Variants in ANKRD36C observed in about 807,000 individuals in gnomAD.
The protein encoded by ANKRD36C is ankyrin repeat domain-containing protein 36C.
A neutral mutation model predicts 276.4 loss-of-function variants in ANKRD36C; 61 were observed. The ratio of observed to expected loss-of-function variants is 0.22; its 90% CI spans 0.18 to 0.27. The LOEUF (loss-of-function observed/expected upper bound fraction) is 0.27, where lower values mean the gene tolerates loss of function less well. Ranked by LOEUF, ANKRD36C falls within the 10% of genes least tolerant of loss-of-function variation. ANKRD36C has a pLI of 1.00. For missense variants in ANKRD36C, 1,447 were observed against 2,032.3 expected (o/e 0.71, Z 5.54); for synonymous variants, 483 against 680.1 (o/e 0.71, Z 4.51).
intron 3 of ANKRD36C, among the ~76,000 whole-genome samples, chr2:95,985,646 C>T (rs1450712268): frequency 6.6e-6 from 1 of 152,132 alleles, no homozygotes; most frequent in East Asian, 1.9e-4. Context: ...CAGGTTACTG[C>T]CATGCACAAT....
In ANKRD36C at chr2:95,857,254, T is replaced by C. The variant is rs527436346; in HGVS notation, c.4080+55A>G. The C allele has an allele frequency of 1.4e-5, 22 of 1,567,844 alleles. No homozygotes were observed. The Admixed American group carries it at 2.3e-4, about 16-fold the overall frequency. ...AATGTACATTAAACAAAAGAGATGG[T>C]ATAAGTAATATTAATAAGAGTAGAA... On this transcript the variant is annotated intron_variant, in intron 62 of 66. Coordinates refer to ENST00000456556, the Ensembl canonical transcript of ANKRD36C.
chr2:95,862,568 A>G (rs1675609600), intron 60 of ANKRD36C, among the ~76,000 whole-genome samples: 1 of 151,378 alleles, frequency 6.6e-6, no homozygotes, highest in South Asian at 2.1e-4. Context: ...CTGAATGTCT[A>G]CATTAGAAGA....
chr2:95,916,526 A>T (rs995434992), intron 36 of ANKRD36C, among the ~76,000 whole-genome samples: 21 of 151,712 alleles, frequency 1.4e-4, no homozygotes, highest in African/African-American at 4.8e-4. Context: ...AACAGGTGCT[A>T]CGTGATCCCA....
At chr2:95,914,904 T>C (rs764883445) in intron 38 of ANKRD36C, among the ~76,000 whole-genome samples, 7 of 151,508 alleles carry the variant, frequency 4.6e-5, no homozygotes, top group Non-Finnish European at 8.9e-5. Context: ...TGTAATACTT[T>C]GCTTAAGTTT....
At chr2:95,974,712 T>C (rs1300642864) in intron 6 of ANKRD36C, among the ~76,000 whole-genome samples, 5 of 152,188 alleles carry the variant, frequency 3.3e-5, no homozygotes, top group Admixed American at 2.0e-4. Flanking sequence ...TGAAGGTTTG[T>C]TACATATGTA....
At chr2:95,896,587 T>A (rs1213789609) in intron 44 of ANKRD36C, among the ~76,000 whole-genome samples, 1 of 147,884 alleles carries the variant, frequency 6.8e-6, no homozygotes, top group Non-Finnish European at 1.5e-5. Flanking sequence ...AAAACATGTA[T>A]CTCTGATGCC....
At chr2:95,875,954 C>A in intron 59 of ANKRD36C, 1 of 439,820 alleles carries the variant, frequency 2.3e-6, no homozygotes, top group Non-Finnish European at 4.6e-6. Context: ...GACCTATTCT[C>A]TCCCTGAACA....
In ANKRD36C at chr2:95,896,515, T is replaced by C. The variant is rs921871471; in HGVS notation, c.2755+2630A>G. ...GCTATTTTATCCAAGAGGTAGCTCCTTGAACAAGGAAGCAAATTTATTCAT... is the reference window on the plus strand; with the variant it reads ...GCTATTTTATCCAAGAGGTAGCTCCCTGAACAAGGAAGCAAATTTATTCAT... On this transcript the variant is annotated intron_variant, in intron 44 of 66. Coordinates refer to ENST00000456556, the Ensembl canonical transcript of ANKRD36C. Among the ~76,000 whole-genome samples, 6 of 149,982 alleles carry C rather than the reference T, an allele frequency of 4.0e-5. No homozygotes were observed. In the South Asian group the frequency reaches 6.3e-4, roughly 16 times the overall value.
intron 42 of ANKRD36C, 47 bp downstream of exon 47, chr2:95,908,622 T>C (rs1287374256): frequency 2.6e-6 from 4 of 1,563,418 alleles, no homozygotes; most frequent in East Asian, 4.7e-5. Flanking sequence ...GTATGTTTCA[T>C]AGACTATACA....
chr2:95,894,946 T>C (rs984089400), intron 44 of ANKRD36C, among the ~76,000 whole-genome samples: 2 of 150,190 alleles, frequency 1.3e-5, no homozygotes, highest in African/African-American at 4.9e-5. Flanking sequence ...TCACAATCCG[T>C]CTTCATTCGG....
exon 63 of ANKRD36C, chr2:95,855,896 C>T: frequency 1.2e-6 from 2 of 1,613,836 alleles, no homozygotes; most frequent in East Asian, 4.5e-5. Context: ...TTTGCCCGCT[C>T]TCTCTTTGCT....
intron 59 of ANKRD36C, among the ~76,000 whole-genome samples, chr2:95,875,159 ACC>A: frequency 6.6e-6 from 1 of 152,172 alleles, no homozygotes; most frequent in Admixed American, 6.5e-5. Flanking sequence ...ATACCATTTG[ACC>A]CTGCCATCCC....
At chr2:95,852,133 C>T (rs763034523) in exon 65 of ANKRD36C, 115 of 1,607,932 alleles carry the variant, frequency 7.2e-5, no homozygotes, top group Middle Eastern at 2.3e-4. Flanking sequence ...TACTTTTGTG[C>T]GTCGCCTTCC....
intron 40 of ANKRD36C, 25 bp downstream of exon 42, chr2:95,914,083 A>G (rs747034183): frequency 2.6e-6 from 4 of 1,539,228 alleles, no homozygotes; most frequent in Non-Finnish European, 1.8e-6. Context: ...ACTGATCATG[A>G]CATTAAATCT....
intron 17 of ANKRD36C, 143 bp downstream of exon 17, chr2:95,948,387 T>C: frequency 1.3e-6 from 1 of 777,920 alleles, no homozygotes; most frequent in Non-Finnish European, 1.9e-6. Context: ...CCCCCCCTAT[T>C]TCTTTAAAAT....
At position 95,887,984 on chromosome 2, in the gene ANKRD36C, T is replaced by A. The variant is rs13417955; in HGVS notation, c.3002A>T (p.Lys1001Met). ...GGGTATATTCGAAACAGAATCTTTC[T>A]TGTCACTTGTAGCCTGAATGGAATT... Residue 1001 changes from lysine (K) to methionine (M), a missense_variant, in exon 50 of 67, where the codon AAG becomes ATG. Transcript: ENST00000456556. 235 of 1,600,212 alleles carry A rather than the reference T, an allele frequency of 1.5e-4. No homozygotes were observed. In the African/African-American group the frequency reaches 2.6e-3, roughly 18 times the overall value.
rs1201412877 is a variant in ANKRD36C at position 95,876,577 on chromosome 2, A to G, written c.3470-68T>C. On this transcript the variant is annotated intron_variant, in intron 58 of 66. Coordinates refer to ENST00000456556, the Ensembl canonical transcript of ANKRD36C. ...GAACAGTTAGATAAAAGCCATGGTC[A>G]GCGGTGGCTCACGCCTGTAATCCCA... 107 of 875,186 alleles carry G rather than the reference A, an allele frequency of 1.2e-4. No homozygotes were observed. In the African/African-American group the frequency reaches 1.7e-3, roughly 14 times the overall value. 54.2% of individuals were successfully genotyped at this position (875,186 alleles called of 1,614,324 possible).
At chr2:95,917,284 A>G (rs1195382552) in intron 36 of ANKRD36C, among the ~76,000 whole-genome samples, 1 of 151,632 alleles carries the variant, frequency 6.6e-6, no homozygotes, top group Non-Finnish European at 1.5e-5. Flanking sequence ...TTTTAAGCAC[A>G]TATTCCAAAT....
intron 14 of ANKRD36C, 114 bp from the exon 15 acceptor site, chr2:95,951,522 T>C (rs1678197020): frequency 1.3e-6 from 1 of 797,524 alleles, no homozygotes; most frequent in African/African-American, 1.8e-5. Context: ...AAATCACTCA[T>C]ATGTAGATTC....
Sources: gnomAD v4.1 joint callset for allele counts (sites outside exome capture counted in the v4.1 genomes callset) on GRCh38, gnomAD v4.1.1 for gene constraint, MANE v1.5 for transcripts, NCBI Gene and HGNC (gene_info 2026-07-23, HGNC 2026-07-21) for gene names.